The following PCDHGA3 variants were observed in gnomAD, a reference collection of about 807,000 sequenced individuals.
PCDHGA3 encodes the protein protocadherin gamma-A3.
A neutral mutation model predicts 58.5 loss-of-function variants in PCDHGA3; 40 were observed. The ratio of observed to expected loss-of-function variants is 0.68; its 90% CI spans 0.53 to 0.89. The LOEUF is 0.89. PCDHGA3 is among the 40% of genes least tolerant of loss of function. The pLI, the probability that PCDHGA3 is intolerant of heterozygous loss-of-function variation, is 0.00. For synonymous variants in PCDHGA3, 530 were observed against 525.7 expected (o/e 1.01, Z -0.11); for missense variants, 1,223 against 1,195.9 (o/e 1.02, Z -0.33).
At chr5:141,355,900 G>C in intron 1 of PCDHGA3, 1 of 1,613,626 alleles carries the variant, frequency 6.2e-7, no homozygotes, top group Non-Finnish European at 8.5e-7. Flanking sequence ...AATACTTGTG[G>C]ATACCAACGA....
At chr5:141,409,109 A>G in intron 1 of PCDHGA3, 1 of 1,614,028 alleles carries the variant, frequency 6.2e-7, no homozygotes, top group Non-Finnish European at 8.5e-7. Context: ...TATGATTAAG[A>G]ATAACCAGTC....
chr5:141,384,164 T>C, intron 1 of PCDHGA3: 1 of 1,613,724 alleles, frequency 6.2e-7, no homozygotes, highest in Non-Finnish European at 8.5e-7. Flanking sequence ...AACATCACAC[T>C]GAAAGCCACA....
At chr5:141,484,660 T>G in intron 1 of PCDHGA3, among the ~76,000 whole-genome samples, 1 of 151,976 alleles carries the variant, frequency 6.6e-6, no homozygotes, top group Non-Finnish European at 1.5e-5. Flanking sequence ...ACTCTCCCTC[T>G]CAGTGGGCCG....
At chr5:141,356,037 T>G in intron 1 of PCDHGA3, 1 of 1,614,004 alleles carries the variant, frequency 6.2e-7, no homozygotes, top group East Asian at 2.2e-5. Context: ...ACGTGACGTA[T>G]TCTTTCCGGA....
At chr5:141,403,058 C>A in intron 1 of PCDHGA3, 1 of 1,614,060 alleles carries the variant, frequency 6.2e-7, no homozygotes, top group Non-Finnish European at 8.5e-7. Context: ...CTACTCAGTG[C>A]CTGAAGAGAC....
At chr5:141,376,250 C>T (rs777637519) in intron 1 of PCDHGA3, 13 of 1,614,128 alleles carry the variant, frequency 8.1e-6, no homozygotes, top group African/African-American at 8.0e-5. Flanking sequence ...GCACAAGTCA[C>T]GCCTGCTGCA....
At position 141,511,124 on chromosome 5, in the gene PCDHGA3, C is replaced by A. The variant is rs752246201; in HGVS notation, c.2750C>A (p.Ala917Glu). The A allele has an allele frequency of 6.2e-7, 1 of 1,614,206 alleles. No homozygotes were observed. The highest frequency in any genetic ancestry group is 8.5e-7 in the Non-Finnish European group (1 of 1,180,022). ...AAGKRDGKAP[A>E]GGNGNKKKSG... The stretch of plus-strand genomic sequence containing the variant: ...GGCAAGCGGGATGGCAAGGCCCCAG[C>A]AGGTGGCAATGGCAACAAGAAGAAG... Residue 917 changes from alanine (A) to glutamate (E), a missense_variant, in exon 4 of 4, where the codon GCA becomes GAA. Coordinates refer to ENST00000253812, the MANE Select transcript of PCDHGA3 (RefSeq NM_018916.4).
Position 141,345,469 on chromosome 5 carries a change from C to G in PCDHGA3, c.1436C>G (p.Pro479Arg). 1 of 1,614,122 alleles carries G rather than the reference C, an allele frequency of 6.2e-7. No individual in the cohort carries two copies. The highest frequency in any genetic ancestry group is 8.5e-7 in the Non-Finnish European group (1 of 1,180,018). The change falls in exon 1 of 4, where the codon CCA (proline) becomes CGA (arginine). Residue 479 changes from proline (P) to arginine (R), a missense_variant. Pro to Arg is a moderately radical substitution (Grantham distance 103). Coordinates refer to ENST00000253812, the MANE Select transcript of PCDHGA3 (RefSeq NM_018916.4). ...ATCTTCTCAGTGACAGCCCAGGACC[C>G]AGATAGCAACAACAACGCCCGCATC... Reference protein sequence around the residue: ...ASIFSVTAQDPDSNNNARITY... With the variant: ...ASIFSVTAQDRDSNNNARITY...
At chr5:141,420,412 T>G in intron 1 of PCDHGA3, 1 of 1,225,004 alleles carries the variant, frequency 8.2e-7, no homozygotes, top group African/African-American at 1.6e-5. Flanking sequence ...TGGTTATCAT[T>G]ATTAAAACAA....
chr5:141,368,754 T>C (rs537893432), intron 1 of PCDHGA3, among the ~76,000 whole-genome samples: 30 of 152,222 alleles, frequency 2.0e-4, no homozygotes, highest in Non-Finnish European at 3.5e-4. Flanking sequence ...TTTAAATATC[T>C]GAATCTTTAG....
At chr5:141,372,392 T>G in intron 1 of PCDHGA3, 2 of 1,614,052 alleles carry the variant, frequency 1.2e-6, no homozygotes, top group East Asian at 2.2e-5. Flanking sequence ...TCTTCGCAGA[T>G]AGCTTGCAAG....
At chr5:141,404,150 G>T in intron 1 of PCDHGA3, 1 of 1,612,828 alleles carries the variant, frequency 6.2e-7, no homozygotes, top group South Asian at 1.1e-5. Flanking sequence ...TTCAGAAGAA[G>T]ATTATTACAG....
At chr5:141,375,581 C>A in intron 1 of PCDHGA3, 2 of 1,614,174 alleles carry the variant, frequency 1.2e-6, no homozygotes, top group Non-Finnish European at 8.5e-7. Context: ...CCAGGGGGCG[C>A]CCCTGTCCTC....
intron 1 of PCDHGA3, among the ~76,000 whole-genome samples, chr5:141,438,872 G>T (rs13178044): frequency 0.11 from 16,734 of 151,118 alleles, 1,094 homozygotes; most frequent in African/African-American, 0.17. Flanking sequence ...CATCAAGTTG[G>T]CCAGGCTGCT....
At chr5:141,378,368 C>A (rs1774846187) in intron 1 of PCDHGA3, 1 of 152,194 alleles carries the variant, frequency 6.6e-6, no homozygotes, top group Non-Finnish European at 1.5e-5. Context: ...ACTAAAAATA[C>A]AAAAATTAGC....
Position 141,476,696 on chromosome 5 carries a change from G to T in PCDHGA3, c.2425-18111G>T, listed in dbSNP as rs750429892. ...GACGCGGGAGGACAGCACCAAGTAC[G>T]CGGAGCTGGTGTTGGAGCGCGCCCT... On this transcript the variant is annotated intron_variant, in intron 1 of 3. Transcript: ENST00000253812. This position sits in a 1 kb window ranked among gnomAD's most constrained non-coding sequence, Gnocchi z 7.6. 3 of 1,614,102 alleles carry T rather than the reference G, an allele frequency of 1.9e-6. No individual in the cohort carries two copies. The highest frequency in any genetic ancestry group is 2.5e-6 in the Non-Finnish European group (3 of 1,180,050).
At chr5:141,483,648 T>TTGTGTG (rs111458813) in intron 1 of PCDHGA3, among the ~76,000 whole-genome samples, 20,229 of 149,628 alleles carry the variant, frequency 0.14, 2,147 homozygotes, top group African/African-American at 0.31. Context: ...GGGTGTGTGT[T>TTGTGTG]TGTGTGTGTG....
intron 1 of PCDHGA3, chr5:141,478,871 T>C: frequency 2.4e-6 from 3 of 1,274,796 alleles, no homozygotes; most frequent in Non-Finnish European, 3.1e-6. Flanking sequence ...GCGATCAGAG[T>C]TTAGCTTGGT....
chr5:141,442,457 T>G (rs1209684998), intron 1 of PCDHGA3: 1 of 152,268 alleles, frequency 6.6e-6, no homozygotes, highest in African/African-American at 2.4e-5. Context: ...AATAGCAGTT[T>G]CACTGCAGAA....
Sources: allele counts gnomAD v4.1 joint callset (sites outside exome capture counted in the v4.1 genomes callset), GRCh38; gene constraint gnomAD v4.1.1; non-coding constraint Gnocchi (gnomAD v3.1); transcripts MANE v1.5; gene names NCBI Gene and HGNC (gene_info 2026-07-23, HGNC 2026-07-21).